Variants in ZNF407 observed in about 807,000 individuals in gnomAD.
ZNF407 encodes the protein zinc finger protein 407.
A neutral mutation model predicts 131.2 loss-of-function variants in ZNF407; 17 were observed. The observed-to-expected ratio is 0.13, with a 90% CI of 0.09 to 0.19. The LOEUF is 0.19. Among genes scored for constraint, ZNF407 ranks in the 10% least tolerant of loss-of-function variants. The pLI is 1.00. For synonymous variants in ZNF407, 1,156 were observed against 1,062.0 expected (o/e 1.09, Z -1.72); for missense variants, 2,681 against 2,830.6 (o/e 0.95, Z 1.20).
intron 8 of ZNF407, among the ~76,000 whole-genome samples, chr18:75,042,603 A>C (rs1568309718): frequency 2.0e-5 from 3 of 152,184 alleles, no homozygotes; most frequent in Non-Finnish European, 4.4e-5. Flanking sequence ...GATTTAATTT[A>C]CATGCAGTAA....
At chr18:74,690,466 T>G (rs1967195545) in intron 3 of ZNF407, among the ~76,000 whole-genome samples, 1 of 151,950 alleles carries the variant, frequency 6.6e-6, no homozygotes, top group Non-Finnish European at 1.5e-5. Context: ...TTTTTGGTGT[T>G]TATTATTTTT....
intron 3 of ZNF407, among the ~76,000 whole-genome samples, chr18:74,661,392 A>ATC (rs1402160479): frequency 2.0e-5 from 3 of 148,164 alleles, no homozygotes; most frequent in Non-Finnish European, 1.5e-5. Flanking sequence ...ATATATATAT[A>ATC]TATAATATAT....
rs912439134 is a variant in ZNF407 at position 74,753,505 on chromosome 18, G to A, written c.4803-27923G>A. 8.5e-5 allele frequency among the ~76,000 whole-genome samples: 13 copies of A among 152,260 alleles called. No homozygotes were observed. The East Asian group carries it at 1.7e-3, about 20-fold the overall frequency. The stretch of plus-strand genomic sequence containing the variant: ...ATTGGCTGTGGGTTTGTCATAAATA[G>A]CTCTTATTATTTGGGAGACGTCCCA... On this transcript the variant is annotated intron_variant, in intron 3 of 8. Coordinates refer to ENST00000299687, the MANE Select transcript of ZNF407 (RefSeq NM_017757.3).
intron 5 of ZNF407, among the ~76,000 whole-genome samples, chr18:74,878,964 A>G (rs1433845538): frequency 6.6e-6 from 1 of 152,044 alleles, no homozygotes. Context: ...TAAATATGAT[A>G]TACAATACAT....
At chr18:74,989,726 C>T (rs1972695868) in intron 8 of ZNF407, among the ~76,000 whole-genome samples, 1 of 151,946 alleles carries the variant, frequency 6.6e-6, no homozygotes, top group Admixed American at 6.6e-5. Flanking sequence ...ACCTGTAATC[C>T]CAGCTACTCA....
intron 7 of ZNF407, among the ~76,000 whole-genome samples, chr18:74,901,915 G>GTTTTT (rs34297257): frequency 2.0e-5 from 3 of 149,650 alleles, no homozygotes; most frequent in Non-Finnish European, 3.0e-5. Flanking sequence ...TATTTTTAAG[G>GTTTTT]TTTTTTTTTT....
intron 3 of ZNF407, among the ~76,000 whole-genome samples, chr18:74,739,876 A>T (rs1968508178): frequency 6.6e-6 from 1 of 152,202 alleles, no homozygotes; most frequent in African/African-American, 2.4e-5. Context: ...CAGAACCTCA[A>T]TTATTAAATG....
chr18:74,869,893 T>C (rs1971063531), intron 4 of ZNF407, among the ~76,000 whole-genome samples: 1 of 152,206 alleles, frequency 6.6e-6, no homozygotes. Context: ...TCTAAGATAC[T>C]ATTGTGCTGG....
chr18:74,975,571 T>C (rs1972518881), intron 8 of ZNF407, among the ~76,000 whole-genome samples: 1 of 152,220 alleles, frequency 6.6e-6, no homozygotes, highest in South Asian at 2.1e-4. Flanking sequence ...TGTTTATTTT[T>C]ATAACCTTAT....
intron 7 of ZNF407, among the ~76,000 whole-genome samples, chr18:74,902,242 G>A (rs1003110785): frequency 5.9e-5 from 9 of 152,286 alleles, no homozygotes; most frequent in East Asian, 1.9e-4. Context: ...TGCCTGGGCC[G>A]GGGCTCACAT....
At chr18:74,651,510 G>C (rs981574963) in intron 3 of ZNF407, among the ~76,000 whole-genome samples, 8 of 152,142 alleles carry the variant, frequency 5.3e-5, no homozygotes, top group African/African-American at 1.9e-4. Flanking sequence ...GTTTAAGCGA[G>C]ACTGTGTCAT....
intron 3 of ZNF407, among the ~76,000 whole-genome samples, chr18:74,757,598 T>C (rs1437634569): frequency 1.3e-5 from 2 of 152,166 alleles, no homozygotes; most frequent in African/African-American, 4.8e-5. Context: ...GAGGCTATTC[T>C]CTGGGCATTT....
chr18:74,902,951 C>T (rs1366507316), intron 7 of ZNF407, among the ~76,000 whole-genome samples: 2 of 152,182 alleles, frequency 1.3e-5, no homozygotes, highest in Non-Finnish European at 2.9e-5. Context: ...CCACCAGTGC[C>T]TGCAGTATGC....
chr18:74,613,449 T>C (rs889538303), intron 1 of ZNF407, among the ~76,000 whole-genome samples: 1 of 152,232 alleles, frequency 6.6e-6, no homozygotes, highest in African/African-American at 2.4e-5. Context: ...TTTTCTTTGA[T>C]ACTGAGTGCT....
chr18:75,015,530 A>G (rs1225064381), intron 8 of ZNF407, among the ~76,000 whole-genome samples: 1 of 148,022 alleles, frequency 6.8e-6, no homozygotes, highest in African/African-American at 2.5e-5. Flanking sequence ...ATGTTTATAT[A>G]TAAATGATTA....
At chr18:75,060,962 C>G (rs1342636885) in intron 8 of ZNF407, among the ~76,000 whole-genome samples, 1 of 152,176 alleles carries the variant, frequency 6.6e-6, no homozygotes, top group South Asian at 2.1e-4. Flanking sequence ...TGGGCCATGT[C>G]CCCTTGGTAA....
chr18:74,849,600 A>G (rs560374440), intron 4 of ZNF407, among the ~76,000 whole-genome samples: 16 of 152,258 alleles, frequency 1.1e-4, no homozygotes, highest in Admixed American at 5.9e-4. Context: ...GCAAAACAGT[A>G]GCGGTGCCCT....
At chr18:74,610,431 A>G (rs1983005648) in intron 1 of ZNF407, among the ~76,000 whole-genome samples, 2 of 151,952 alleles carry the variant, frequency 1.3e-5, no homozygotes, top group African/African-American at 2.4e-5. Flanking sequence ...CAAGCAGCTT[A>G]CCCTCCAGAT....
At chr18:74,644,152 A>G (rs972119515) in intron 3 of ZNF407, among the ~76,000 whole-genome samples, 2 of 126,550 alleles carry the variant, frequency 1.6e-5, no homozygotes, top group East Asian at 4.4e-4. Context: ...AGAGCCATTT[A>G]TTTTACTTTC....
Sources: gnomAD v4.1 joint callset for allele counts (sites outside exome capture counted in the v4.1 genomes callset) on GRCh38, gnomAD v4.1.1 for gene constraint, MANE v1.5 for transcripts, NCBI Gene and HGNC (gene_info 2026-07-23, HGNC 2026-07-21) for gene names.